Variants in PRAM1 observed in about 807,000 individuals in gnomAD.
The protein encoded by PRAM1 is PML-RARA-regulated adapter molecule 1.
In PRAM1, 41 loss-of-function variants were observed where a neutral mutation model predicts 55.3. The ratio of observed to expected loss-of-function variants is 0.74; its 90% CI spans 0.58 to 0.96. The LOEUF (loss-of-function observed/expected upper bound fraction) is 0.96. PRAM1 is among the 40% of genes least tolerant of loss of function. The pLI is 0.00. For synonymous variants in PRAM1, 401 were observed against 387.1 expected (o/e 1.04, Z -0.42); for missense variants, 898 against 892.7 (o/e 1.01, Z -0.08).
At position 8,490,717 on chromosome 19, in the gene PRAM1, C is replaced by T. The variant is rs1219534236; in HGVS notation, c.1783G>A (p.Asp595Asn). The change falls in exon 7 of 10, where the codon GAC becomes AAC. Residue 595 changes from aspartate (D) to asparagine (N), a missense_variant. Coordinates refer to ENST00000423345, the MANE Select transcript of PRAM1 (RefSeq NM_032152.5). The surrounding 1 kb of genome is among the most constrained non-coding windows in gnomAD (Gnocchi z 7.3). ...CCGCGACGTGTCTTAGCGTTGGGGT[C>T]GATCATCATCTTCGTGTGAACCACG... Reference protein sequence around the residue: ...EIVVHTKMMIDPNAKTRRGGG... With the variant: ...EIVVHTKMMINPNAKTRRGGG... 2.5e-6 allele frequency: 4 copies of T among 1,611,044 alleles called. No homozygotes were observed. The highest frequency in any genetic ancestry group is 4.5e-5 in the East Asian group (2 of 44,848).
At chr19:8,500,418 C>T (rs1470578918) in intron 1 of PRAM1, among the ~76,000 whole-genome samples, 1 of 152,158 alleles carries the variant, frequency 6.6e-6, no homozygotes, top group African/African-American at 2.4e-5. Flanking sequence ...CAAGCCCTTC[C>T]CTGGGCCTCT....
At chr19:8,496,537 C>T (rs1413646842) in intron 4 of PRAM1, among the ~76,000 whole-genome samples, 2 of 151,912 alleles carry the variant, frequency 1.3e-5, no homozygotes, top group Non-Finnish European at 2.9e-5. Flanking sequence ...CCAGCCTAGC[C>T]AACATGGTGA....
At position 8,499,697 on chromosome 19, in the gene PRAM1, C is replaced by T. The variant is rs150386873; in HGVS notation, c.111G>A (p.Pro37=). Residue 37 remains proline (P), a synonymous_variant, in exon 2 of 10, where the codon CCG becomes CCA. Transcript: ENST00000423345. ...TCTTCAGTTTACCAAACTCAGGCTT[C>T]GGAGGTTTTTTGGGCAGGTCGCTGG... The part of the protein sequence containing the change: ...PEPSDLPKKP[P]KPEFGKLKKF... The T allele has an allele frequency of 2.0e-4, 316 of 1,613,754 alleles. No homozygotes were observed. In the African/African-American group the frequency reaches 3.5e-3, roughly 18 times the overall value.
At chr19:8,495,204 A>G (rs970120802) in intron 4 of PRAM1, among the ~76,000 whole-genome samples, 1 of 151,808 alleles carries the variant, frequency 6.6e-6, no homozygotes, top group Non-Finnish European at 1.5e-5. Flanking sequence ...GGTTCACGCG[A>G]TTCTCCTGCC....
At position 8,499,190 on chromosome 19, in the gene PRAM1, C is replaced by T. The variant is rs373708826; in HGVS notation, c.618G>A (p.Gln206=). 19 of 1,613,766 alleles carry T rather than the reference C, an allele frequency of 1.2e-5. No individual in the cohort carries two copies. The African/African-American group carries it at 1.6e-4, about 14-fold the overall frequency. The stretch of plus-strand genomic sequence containing the variant: ...TCTTGGGAAAGGTACTCAACTCAGG[C>T]TGCGGGGACCTCGGGGTAGCCTCAC... The part of the protein sequence containing the change: ...EAGEATPRSP[Q]PELSTFPKKP... Residue 206 remains glutamine (Q), a synonymous_variant, in exon 2 of 10, where the codon CAG becomes CAA. Coordinates refer to ENST00000423345, the MANE Select transcript of PRAM1 (RefSeq NM_032152.5).
intron 1 of PRAM1, among the ~76,000 whole-genome samples, chr19:8,501,545 A>G (rs375730807): frequency 2.8e-5 from 4 of 140,790 alleles, no homozygotes; most frequent in Non-Finnish European, 4.5e-5. Context: ...CTACACCACA[A>G]CTTCCCTCAG....
At chr19:8,494,626 A>G (rs1053683406) in intron 4 of PRAM1, among the ~76,000 whole-genome samples, 3 of 131,582 alleles carry the variant, frequency 2.3e-5, no homozygotes, top group African/African-American at 5.2e-5. Flanking sequence ...TTGCGTACCT[A>G]TTTTTTTTTC....
At chr19:8,502,223 G>C (rs1328494766) in intron 1 of PRAM1, among the ~76,000 whole-genome samples, 1 of 151,978 alleles carries the variant, frequency 6.6e-6, no homozygotes, top group Non-Finnish European at 1.5e-5. Flanking sequence ...GACCCACTTT[G>C]TCACCCCGCA....
chr19:8,490,084 GGTAC>G lies in PRAM1; in HGVS notation c.*101_*104del. 2 of 1,156,808 alleles carry G rather than the reference GGTAC, an allele frequency of 1.7e-6. No individual in the cohort carries two copies. The highest frequency in any genetic ancestry group is 2.4e-6 in the Non-Finnish European group (2 of 832,704). 71.7% of individuals were successfully genotyped at this position (1,156,808 alleles called of 1,614,324 possible). A position where few individuals can be genotyped will look rare whatever the true frequency, so the allele number is the denominator to read the frequency against. ...TTTAAACTGGGGCTTTATGTGGCCA[GGTAC>G]AAGCCCAGGCAGCTCTGTGACTTTC... On this transcript the variant is annotated 3_prime_UTR_variant, in exon 10 of 10. Coordinates refer to ENST00000423345, the MANE Select transcript of PRAM1 (RefSeq NM_032152.5). The surrounding 1 kb of genome is among the most constrained non-coding windows in gnomAD (Gnocchi z 7.3).
chr19:8,490,635 G>A lies in PRAM1; in HGVS notation c.1865C>T (p.Thr622Ile), dbSNP rs1441606497. 6.3e-7 allele frequency: 1 copy of A among 1,586,110 alleles called. No homozygotes were observed. The highest frequency in any genetic ancestry group is 8.6e-7 in the Non-Finnish European group (1 of 1,166,076). The change falls in exon 7 of 10, where the codon ACC (threonine) becomes ATC (isoleucine). Residue 622 changes from threonine to isoleucine, a missense_variant. By Grantham distance (89) the Thr-to-Ile change is moderately conservative. Coordinates refer to ENST00000423345, the MANE Select transcript of PRAM1 (RefSeq NM_032152.5). The surrounding 1 kb of genome is among the most constrained non-coding windows in gnomAD (Gnocchi z 7.3). ...RGEILEVIEF[T>I]SNEEMLCRDP... ...CCGGCACAGCATCTCCTCATTGCTGGTGAACTCGATCACCTCCAGGATCTC... is the reference window on the plus strand; with the variant it reads ...CCGGCACAGCATCTCCTCATTGCTGATGAACTCGATCACCTCCAGGATCTC...
At chr19:8,501,098 CTTTTT>C (rs35262115) in intron 1 of PRAM1, among the ~76,000 whole-genome samples, 4 of 118,160 alleles carry the variant, frequency 3.4e-5, no homozygotes, top group African/African-American at 3.7e-5. Flanking sequence ...TTCTTTCTTT[CTTTTT>C]TTTTTTTTTT....
At chr19:8,498,053 T>C (rs989862840) in intron 3 of PRAM1, among the ~76,000 whole-genome samples, 170 bp downstream of exon 3, 4 of 151,842 alleles carry the variant, frequency 2.6e-5, no homozygotes, top group African/African-American at 4.8e-5. Context: ...GGCTAATTTT[T>C]GTATTTTTAG....
In PRAM1 at chr19:8,490,156, T is replaced by TG; in HGVS notation, c.*32dup. 6.6e-7 allele frequency: 1 copy of TG among 1,521,910 alleles called. No homozygotes were observed. The highest frequency in any genetic ancestry group is 8.8e-7 in the Non-Finnish European group (1 of 1,131,086). 94.3% of individuals were successfully genotyped at this position (1,521,910 alleles called of 1,614,324 possible). A position where few individuals can be genotyped will look rare whatever the true frequency, so the allele number is the denominator to read the frequency against. On this transcript the variant is annotated 3_prime_UTR_variant, in exon 10 of 10. Coordinates refer to ENST00000423345, the MANE Select transcript of PRAM1 (RefSeq NM_032152.5). The surrounding 1 kb of genome is among the most constrained non-coding windows in gnomAD (Gnocchi z 7.3). ...GCTCCTGGGTGAGCGGGCGCTGGGCTGGCTGGCTGTCCTGGCCCCACGCCT... is the reference window on the plus strand; with the variant it reads ...GCTCCTGGGTGAGCGGGCGCTGGGCTGGGCTGGCTGTCCTGGCCCCACGCCT...
Position 8,493,036 on chromosome 19 carries a change from G to T in PRAM1, c.1577-1879C>A, listed in dbSNP as rs907551859. ...AAATAATTTTTAAAAGATGCTGCTA[G>T]GGTAAGCGTCCTGGACTGGTGACTG... On this transcript the variant is annotated intron_variant, in intron 4 of 9. Coordinates refer to ENST00000423345, the MANE Select transcript of PRAM1 (RefSeq NM_032152.5). This position sits in a 1 kb window ranked among gnomAD's most constrained non-coding sequence, Gnocchi z 4.1. Among the ~76,000 whole-genome samples the T allele has an allele frequency of 4.6e-5, 7 of 152,140 alleles. No homozygotes were observed. Among genetic ancestry groups the T allele is most frequent in the African/African-American group, 1.7e-4 (7 of 41,436 alleles).
rs200841911 is a variant in PRAM1, at chr19:8,499,269, G to A, written c.539C>T (p.Pro180Leu). Reference sequence around the variant, plus strand: ...GAATGCGCCGGATTTGGGTTCGGAGGGGGGTCTGGCGGGGTGACTGAGTTC... The same window carrying A: ...GAATGCGCCGGATTTGGGTTCGGAGAGGGGTCTGGCGGGGTGACTGAGTTC... ...PDELSHPARP[P>L]SEPKSGAFPR... The change falls in exon 2 of 10, where the codon CCC (proline) becomes CTC (leucine). Residue 180 changes from proline to leucine, a missense_variant. Physicochemically the swap from Pro to Leu is moderately conservative, Grantham distance 98. Coordinates refer to ENST00000423345, the MANE Select transcript of PRAM1 (RefSeq NM_032152.5). The A allele has an allele frequency of 6.2e-6, 10 of 1,610,556 alleles. No individual in the cohort carries two copies. The highest frequency in any genetic ancestry group is 5.0e-5 in the Admixed American group (3 of 59,576).
At chr19:8,500,225 G>A (rs932782653) in intron 1 of PRAM1, among the ~76,000 whole-genome samples, 1 of 148,954 alleles carries the variant, frequency 6.7e-6, no homozygotes, top group East Asian at 2.1e-4. Flanking sequence ...CCCCGACCTC[G>A]GCCTCCCCAG....
At chr19:8,496,019 C>A in intron 4 of PRAM1, 1 of 455,016 alleles carries the variant, frequency 2.2e-6, no homozygotes. Context: ...GGCAGCCTCC[C>A]TCCCCTGCCA....
chr19:8,501,772 G>A (rs1461505308), intron 1 of PRAM1, among the ~76,000 whole-genome samples: 3 of 152,170 alleles, frequency 2.0e-5, no homozygotes, highest in Non-Finnish European at 4.4e-5. Flanking sequence ...CGGGCTGATG[G>A]TCAGGAATGC....
chr19:8,490,097 G>A lies in PRAM1; in HGVS notation c.*92C>T, dbSNP rs1049625691. 6 of 1,272,046 alleles carry A rather than the reference G, an allele frequency of 4.7e-6. No homozygotes were observed. The highest frequency in any genetic ancestry group is 2.7e-5 in the Admixed American group (1 of 36,760). 78.8% of individuals were successfully genotyped at this position (1,272,046 alleles called of 1,614,324 possible). A position where few individuals can be genotyped will look rare whatever the true frequency, so the allele number is the denominator to read the frequency against. The stretch of plus-strand genomic sequence containing the variant: ...TTTATGTGGCCAGGTACAAGCCCAG[G>A]CAGCTCTGTGACTTTCCCGCGCCGG... On this transcript the variant is annotated 3_prime_UTR_variant, in exon 10 of 10. Coordinates refer to ENST00000423345, the MANE Select transcript of PRAM1 (RefSeq NM_032152.5). This position sits in a 1 kb window ranked among gnomAD's most constrained non-coding sequence, Gnocchi z 7.3.
Sources: gnomAD v4.1 joint callset for allele counts (sites outside exome capture counted in the v4.1 genomes callset) on GRCh38, gnomAD v4.1.1 for gene constraint, Gnocchi (gnomAD v3.1) non-coding constraint, MANE v1.5 for transcripts, NCBI Gene and HGNC (gene_info 2026-07-23, HGNC 2026-07-21) for gene names.